The following NKAIN1 variants were observed in gnomAD, a reference collection of about 807,000 sequenced individuals.
The protein encoded by NKAIN1 is sodium/potassium transporting ATPase interacting 1.
A neutral mutation model predicts 31.6 loss-of-function variants in NKAIN1; 13 were observed. The ratio of observed to expected loss-of-function variants is 0.41; its 90% CI spans 0.27 to 0.65. The LOEUF is 0.65. NKAIN1 is among the 30% of genes least tolerant of loss of function. The pLI is 0.30. For missense variants in NKAIN1, 193 were observed against 262.2 expected, an observed-to-expected ratio of 0.74 and a Z score of 1.82; for synonymous variants, 104 against 109.0, an observed-to-expected ratio of 0.95 and a Z score of 0.28.
At position 31,218,094 on chromosome 1, in the gene NKAIN1, G is replaced by A. The variant is rs529927837; in HGVS notation, c.54+21400C>T. On this transcript the variant is annotated intron_variant, in intron 1 of 6. Coordinates refer to ENST00000373736, the MANE Select transcript of NKAIN1 (RefSeq NM_024522.3). ...TTTTTTTTTTTTGAGATGGAGTCTC[G>A]CTCTGTCACCCAAGCTGGAGTGCAG... 6.0e-5 allele frequency among the ~76,000 whole-genome samples: 6 copies of A among 99,200 alleles called. No homozygotes were observed. The South Asian group carries it at 9.1e-4, about 15-fold the overall frequency. The allele number at this position is 99,200 out of a possible 152,430, so 65.1% of individuals were successfully genotyped here.
chr1:31,222,638 A>T (rs891973276), intron 1 of NKAIN1, among the ~76,000 whole-genome samples: 1 of 152,180 alleles, frequency 6.6e-6, no homozygotes, highest in Non-Finnish European at 1.5e-5. Flanking sequence ...GCAGAGGAGC[A>T]CATTAAACAG....
At chr1:31,197,563 C>T (rs1645340052) in intron 1 of NKAIN1, among the ~76,000 whole-genome samples, 17 of 20,676 alleles carry the variant, frequency 8.2e-4, no homozygotes, top group Non-Finnish European at 1.6e-3. Flanking sequence ...TTTTTTTTCC[C>T]TGAGATGGAG....
intron 1 of NKAIN1, among the ~76,000 whole-genome samples, chr1:31,225,033 C>CTTTTCTTTTTTTTCTTT (rs542671307): frequency 8.9e-6 from 1 of 112,132 alleles, no homozygotes; most frequent in Non-Finnish European, 1.7e-5. Flanking sequence ...CTTTTCTTTT[C>CTTTTCTTTTTTTTCTTT]TTTTTTTTTT....
chr1:31,183,917 C>G lies in NKAIN1; in HGVS notation c.371G>C (p.Arg124Pro), dbSNP rs141110311. ...GACATGGTGGTCCTCCAGAGCCAGG[C>G]GGGAGTTCAGAACAGGTGTCACCAG... is the stretch of plus-strand genomic sequence containing the variant. ...GCLVTPVLNS[R>P]LALEDHHVIS... Residue 124 changes from arginine (R) to proline (P), a missense_variant, in exon 4 of 7, where the codon CGC (arginine) becomes CCC (proline). By Grantham distance (103) the Arg-to-Pro change is moderately radical (BLOSUM62 -2). Coordinates refer to ENST00000373736, the MANE Select transcript of NKAIN1 (RefSeq NM_024522.3). 1.3e-4 allele frequency: 208 copies of G among 1,614,056 alleles called. No individual in the cohort carries two copies. The highest frequency in any genetic ancestry group is 1.0e-3 in the African/African-American group (75 of 74,986).
intron 1 of NKAIN1, among the ~76,000 whole-genome samples, chr1:31,201,283 G>A (rs1337994767): frequency 1.3e-5 from 2 of 151,948 alleles, no homozygotes; most frequent in Admixed American, 1.3e-4. Context: ...CTCTCAAGGG[G>A]TCTACCTTAG....
At chr1:31,234,955 G>C (rs1247979062) in intron 1 of NKAIN1, among the ~76,000 whole-genome samples, 1 of 152,132 alleles carries the variant, frequency 6.6e-6, no homozygotes, top group African/African-American at 2.4e-5. Flanking sequence ...CCTGAAAAAG[G>C]GGATAATAAA....
At chr1:31,225,921 G>A (rs1645600678) in intron 1 of NKAIN1, among the ~76,000 whole-genome samples, 1 of 152,232 alleles carries the variant, frequency 6.6e-6, no homozygotes, top group East Asian at 1.9e-4. Flanking sequence ...GTGGGGAGGA[G>A]CAAGGGCTCT....
intron 1 of NKAIN1, among the ~76,000 whole-genome samples, chr1:31,219,639 G>T (rs1645546836): frequency 6.6e-6 from 1 of 152,274 alleles, no homozygotes; most frequent in South Asian, 2.1e-4. Flanking sequence ...CTGTAGCGGG[G>T]CTGTGGTGTC....
Position 31,185,115 on chromosome 1 carries a change from A to G in NKAIN1, c.273+132T>C, listed in dbSNP as rs976386015. The G allele has an allele frequency of 1.7e-5, 12 of 694,058 alleles. No homozygotes were observed. In the South Asian group the frequency reaches 2.0e-4, roughly 12 times the overall value. The allele number at this position is 694,058 out of a possible 1,614,324, so 43.0% of individuals were successfully genotyped here. On this transcript the variant is annotated intron_variant, in intron 3 of 6. Coordinates refer to ENST00000373736, the MANE Select transcript of NKAIN1 (RefSeq NM_024522.3). ...TGTAAGTAGGAAATGGGGCACACAG[A>G]TTATTTGGGCATGTAAGGAGAGAGA... is the stretch of plus-strand genomic sequence containing the variant.
chr1:31,225,918 G>A (rs56125362), intron 1 of NKAIN1, among the ~76,000 whole-genome samples: 48,195 of 152,150 alleles, frequency 0.32, 9,691 homozygotes, highest in African/African-American at 0.57. Context: ...TGGGTGGGGA[G>A]GAGCAAGGGC....
At chr1:31,214,888 C>T (rs1362173391) in intron 1 of NKAIN1, among the ~76,000 whole-genome samples, 1 of 152,230 alleles carries the variant, frequency 6.6e-6, no homozygotes, top group Non-Finnish European at 1.5e-5. Flanking sequence ...CCGTCATGCC[C>T]TGTGGCCTGA....
intron 1 of NKAIN1, among the ~76,000 whole-genome samples, chr1:31,216,850 C>T (rs1334913736): frequency 1.3e-5 from 2 of 151,708 alleles, no homozygotes; most frequent in African/African-American, 2.4e-5. Flanking sequence ...GCTGCCACCA[C>T]GCCTAGCTAA....
At chr1:31,212,454 G>A (rs990102416) in intron 1 of NKAIN1, among the ~76,000 whole-genome samples, 1 of 150,808 alleles carries the variant, frequency 6.6e-6, no homozygotes, top group Non-Finnish European at 1.5e-5. Flanking sequence ...ACCCAGGCTG[G>A]AGTGCAGTGG....
At chr1:31,223,069 T>C (rs1645575816) in intron 1 of NKAIN1, among the ~76,000 whole-genome samples, 1 of 152,118 alleles carries the variant, frequency 6.6e-6, no homozygotes, top group Non-Finnish European at 1.5e-5. Context: ...AAGCAGCGGC[T>C]CTGGGATCAG....
At chr1:31,200,285 C>T (rs545506045) in intron 1 of NKAIN1, among the ~76,000 whole-genome samples, 10 of 152,158 alleles carry the variant, frequency 6.6e-5, no homozygotes, top group Non-Finnish European at 1.5e-4. Context: ...GCACCAAACG[C>T]GTGCGACTGT....
chr1:31,198,705 C>T (rs1645349908), intron 1 of NKAIN1, among the ~76,000 whole-genome samples: 1 of 152,142 alleles, frequency 6.6e-6, no homozygotes, highest in Non-Finnish European at 1.5e-5. Flanking sequence ...TGCCCTTCCC[C>T]CTGCCCTTCG....
intron 1 of NKAIN1, among the ~76,000 whole-genome samples, chr1:31,212,922 G>A (rs1015750611): frequency 2.6e-5 from 4 of 151,976 alleles, no homozygotes; most frequent in African/African-American, 7.2e-5. Context: ...GTGTGAAGCT[G>A]GGAGGTGGAG....
At chr1:31,197,104 C>CTGTT (rs1645333120) in intron 1 of NKAIN1, among the ~76,000 whole-genome samples, 1 of 134,582 alleles carries the variant, frequency 7.4e-6, no homozygotes, top group African/African-American at 2.7e-5. Context: ...TGGATTTTTA[C>CTGTT]TTTTTTTTTT....
intron 1 of NKAIN1, among the ~76,000 whole-genome samples, chr1:31,214,470 A>G (rs1645495051): frequency 6.6e-6 from 1 of 152,128 alleles, no homozygotes; most frequent in South Asian, 2.1e-4. Context: ...AAAAAAAAAA[A>G]AAAGAAAAAA....
Sources: allele counts gnomAD v4.1 joint callset (sites outside exome capture counted in the v4.1 genomes callset), GRCh38; gene constraint gnomAD v4.1.1; transcripts MANE v1.5; gene names NCBI Gene and HGNC (gene_info 2026-07-23, HGNC 2026-07-21).